CBFB: variants seen among roughly 807,000 people sequenced by gnomAD.
The protein encoded by CBFB is core-binding factor subunit beta.
Under a neutral mutation model 30.4 loss-of-function variants are expected in CBFB, and 9 were observed. That is an observed-to-expected ratio of 0.30 (90% confidence interval 0.18 to 0.52). The LOEUF is 0.52. CBFB is among the 20% of genes least tolerant of loss of function. The pLI is 0.97. For synonymous variants in CBFB, 94 were observed against 84.0 expected (o/e 1.12, Z -0.65); for missense variants, 170 against 244.0 (o/e 0.70, Z 2.02).
At chr16:67,091,416 A>T (rs907061051) in intron 5 of CBFB, among the ~76,000 whole-genome samples, 25 of 152,274 alleles carry the variant, frequency 1.6e-4, no homozygotes, top group Admixed American at 1.5e-3. Context: ...TGTACATTAT[A>T]ATTTTGGCTT....
At chr16:67,059,236 A>G (rs1444071195) in intron 3 of CBFB, among the ~76,000 whole-genome samples, 8 of 152,222 alleles carry the variant, frequency 5.3e-5, no homozygotes, top group Non-Finnish European at 7.3e-5. Flanking sequence ...AGGTTAATAC[A>G]TGAGAAGTAG....
At chr16:67,044,271 C>A (rs1485317875) in intron 3 of CBFB, among the ~76,000 whole-genome samples, 1 of 152,038 alleles carries the variant, frequency 6.6e-6, no homozygotes, top group African/African-American at 2.4e-5. Flanking sequence ...GTATGAAAAT[C>A]ATTTCATAAA....
Position 67,029,853 on chromosome 16 carries a change from G to T in CBFB, c.165+40G>T. On this transcript the variant is annotated intron_variant, in intron 2 of 5. Coordinates refer to ENST00000412916, the MANE Select transcript of CBFB (RefSeq NM_022845.3). ...CCGGGGCGCGCGCGGGTCACTTGTT[G>T]CGCGGGGCCGCGGCGGCCCAGGCCG... 7.5e-6 allele frequency: 11 copies of T among 1,472,312 alleles called. No individual in the cohort carries two copies. In the East Asian group the frequency reaches 7.9e-5, roughly 11 times the overall value. 91.2% of individuals were successfully genotyped at this position (1,472,312 alleles called of 1,614,324 possible).
Position 67,100,726 on chromosome 16 carries a change from T to TATA in CBFB, c.*1949_*1950insTAA, listed in dbSNP as rs1022127953. 10 of 218,488 alleles carry TATA rather than the reference T, an allele frequency of 4.6e-5. No homozygotes were observed. Among genetic ancestry groups the TATA allele is most frequent in the African/African-American group, 2.2e-4 (10 of 44,552 alleles). The allele number at this position is 218,488 out of a possible 1,614,324, so 13.5% of individuals were successfully genotyped here. ...ACCAGTAAATAAGATCAAATGCTCT[T>TATA]AAATGTTCCTGTTACCATCCTAATG... On this transcript the variant is annotated 3_prime_UTR_variant, in exon 6 of 6. Coordinates refer to ENST00000412916, the MANE Select transcript of CBFB (RefSeq NM_022845.3).
chr16:67,058,209 T>C (rs1012443586), intron 3 of CBFB, among the ~76,000 whole-genome samples: 1 of 152,132 alleles, frequency 6.6e-6, no homozygotes, highest in Non-Finnish European at 1.5e-5. Flanking sequence ...GGCACCATCT[T>C]GGCTCACTGC....
chr16:67,052,371 A>T (rs117080093), intron 3 of CBFB, among the ~76,000 whole-genome samples: 3,691 of 152,234 alleles, frequency 0.024, 64 homozygotes, highest in Non-Finnish European at 0.036. Flanking sequence ...GGAGTCCGAG[A>T]CCAGCCTGGT....
chr16:67,081,645 TA>T (rs1013359313), intron 4 of CBFB, among the ~76,000 whole-genome samples: 31 of 145,430 alleles, frequency 2.1e-4, no homozygotes, highest in Admixed American at 2.1e-4. Flanking sequence ...CTACAAAAAC[TA>T]AAAAAAAAAA....
chr16:67,089,771 T>C (rs968755727), intron 5 of CBFB, among the ~76,000 whole-genome samples: 4 of 152,156 alleles, frequency 2.6e-5, no homozygotes, highest in African/African-American at 9.7e-5. Flanking sequence ...GCATCCCGGC[T>C]CCACTACTTG....
At chr16:67,036,585 A>G (rs756532160) in intron 2 of CBFB, 54 bp from the exon 3 acceptor site, 8 of 965,248 alleles carry the variant, frequency 8.3e-6, no homozygotes, top group Admixed American at 5.2e-5. Flanking sequence ...GACTGCTTGC[A>G]TAATTTATGT....
intron 3 of CBFB, among the ~76,000 whole-genome samples, chr16:67,039,119 A>C (rs532736724): frequency 5.9e-5 from 9 of 152,286 alleles, no homozygotes; most frequent in Non-Finnish European, 1.3e-4. Context: ...TTGTGTATAT[A>C]TAGAGTGTAC....
chr16:67,045,881 C>T (rs531483542), intron 3 of CBFB, among the ~76,000 whole-genome samples: 413 of 149,666 alleles, frequency 2.8e-3, no homozygotes, highest in African/African-American at 8.7e-3. Context: ...CTGCAACCTC[C>T]GCCTCCCAGG....
chr16:67,090,588 T>C (rs996098812), intron 5 of CBFB, among the ~76,000 whole-genome samples: 2 of 152,228 alleles, frequency 1.3e-5, no homozygotes, highest in African/African-American at 4.8e-5. Context: ...TTCCAGAGAC[T>C]GCCTTCAACT....
chr16:67,061,075 T>C (rs971568681), intron 3 of CBFB, among the ~76,000 whole-genome samples: 14 of 152,204 alleles, frequency 9.2e-5, no homozygotes, highest in African/African-American at 3.4e-4. Flanking sequence ...AGCCACAGAA[T>C]GTGAAAATTA....
At chr16:67,089,891 G>C (rs1961834798) in intron 5 of CBFB, among the ~76,000 whole-genome samples, 1 of 152,216 alleles carries the variant, frequency 6.6e-6, no homozygotes, top group Non-Finnish European at 1.5e-5. Flanking sequence ...TGGGGACTCA[G>C]TGGAAGCCAG....
intron 4 of CBFB, among the ~76,000 whole-genome samples, chr16:67,080,235 T>C (rs1196324576): frequency 6.6e-6 from 1 of 152,064 alleles, no homozygotes; most frequent in Non-Finnish European, 1.5e-5. Context: ...CTCCGATGGC[T>C]GTGTGGTAGA....
intron 3 of CBFB, among the ~76,000 whole-genome samples, chr16:67,063,767 T>C (rs1009274959): frequency 6.6e-6 from 1 of 152,106 alleles, no homozygotes; most frequent in Non-Finnish European, 1.5e-5. Context: ...ATTTTAAAGG[T>C]ATCTCAGAGG....
At chr16:67,037,736 T>G (rs1216492725) in intron 3 of CBFB, among the ~76,000 whole-genome samples, 1 of 150,950 alleles carries the variant, frequency 6.6e-6, no homozygotes, top group East Asian at 1.9e-4. Flanking sequence ...GGTGTGATCT[T>G]GGCTCACAGC....
intron 4 of CBFB, among the ~76,000 whole-genome samples, chr16:67,068,647 ACTGT>A (rs1413167082): frequency 6.6e-6 from 1 of 152,130 alleles, no homozygotes; most frequent in Non-Finnish European, 1.5e-5. Flanking sequence ...TATTATCTAA[ACTGT>A]CTGGTTTTCA....
At chr16:67,068,222 T>C (rs1018110773) in intron 4 of CBFB, among the ~76,000 whole-genome samples, 2 of 152,208 alleles carry the variant, frequency 1.3e-5, no homozygotes, top group Non-Finnish European at 2.9e-5. Context: ...CTCATGCTTA[T>C]AATCCCAGCA....
Sources: allele counts gnomAD v4.1 joint callset (sites outside exome capture counted in the v4.1 genomes callset), GRCh38; gene constraint gnomAD v4.1.1; transcripts MANE v1.5; gene names NCBI Gene and HGNC (gene_info 2026-07-23, HGNC 2026-07-21).